The following FAM222A variants were observed in gnomAD, a reference collection of about 807,000 sequenced individuals.
FAM222A encodes the protein protein FAM222A.
A neutral mutation model predicts 25.8 loss-of-function variants in FAM222A; 7 were observed. The ratio of observed to expected loss-of-function variants is 0.27; its 90% CI spans 0.15 to 0.51. The LOEUF (loss-of-function observed/expected upper bound fraction) is 0.51, where lower values mean the gene tolerates loss of function less well. Ranked by LOEUF, FAM222A falls within the 20% of genes least tolerant of loss-of-function variation. The probability of loss-of-function intolerance (pLI) is 0.97; values close to 1 mark genes in which losing one functional copy is unlikely to be tolerated. For synonymous variants in FAM222A, 294 were observed against 298.8 expected (o/e 0.98, Z 0.17); for missense variants, 573 against 640.5 (o/e 0.89, Z 1.14).
chr12:109,726,413 A>C (rs1482197165), intron 1 of FAM222A, among the ~76,000 whole-genome samples: 1 of 152,220 alleles, frequency 6.6e-6, no homozygotes, highest in African/African-American at 2.4e-5. Context: ...CCCTCTTAGC[A>C]GAGTGTGAGG....
intron 2 of FAM222A, among the ~76,000 whole-genome samples, chr12:109,750,043 C>T (rs1299778997): frequency 1.3e-5 from 2 of 152,246 alleles, no homozygotes; most frequent in South Asian, 2.1e-4. Flanking sequence ...AGCCCATTTA[C>T]ATTTATTGAT....
chr12:109,769,044 TG>T lies in FAM222A; in HGVS notation c.1119del (p.Pro374ArgfsTer29). 1 of 1,587,378 alleles carries T rather than the reference TG, an allele frequency of 6.3e-7. No homozygotes were observed. Among genetic ancestry groups the T allele is most frequent in the Admixed American group, 1.8e-5 (1 of 56,470 alleles). ...NPAAAVVVTELGPGAARELAG... is the reference protein window; with the variant it reads ...NPAAAVVVTEXGPGAARELAG... The stretch of plus-strand genomic sequence containing the variant: ...GCGGCGGCGGTGGTGGTCACGGAGC[TG>T]GGGCCGGGGGCAGCCCGGGAGCTGG... On this transcript the variant is annotated frameshift_variant, in exon 3 of 3. Transcript: ENST00000538780. LOFTEE classifies it high-confidence loss of function.
chr12:109,744,500 A>G (rs1035702679), intron 2 of FAM222A: 1 of 984,232 alleles, frequency 1.0e-6, no homozygotes. Flanking sequence ...CCATGCCCCA[A>G]CCCCGCCTCT....
chr12:109,758,640 G>C (rs542829170), intron 2 of FAM222A, among the ~76,000 whole-genome samples: 2 of 151,488 alleles, frequency 1.3e-5, no homozygotes, highest in Admixed American at 1.4e-4. Flanking sequence ...CCCAGCCGCC[G>C]TCCCTGCCCC....
chr12:109,729,006 C>G (rs1233626511), intron 1 of FAM222A, among the ~76,000 whole-genome samples: 1 of 150,892 alleles, frequency 6.6e-6, no homozygotes, highest in East Asian at 1.9e-4. Context: ...CAGCCAGGTA[C>G]TGACAGGTCA....
chr12:109,736,321 G>A (rs1156595963), intron 1 of FAM222A, among the ~76,000 whole-genome samples: 1 of 152,156 alleles, frequency 6.6e-6, no homozygotes, highest in Non-Finnish European at 1.5e-5. Context: ...CATAAACAAT[G>A]CTAACAACGG....
At chr12:109,736,590 C>T (rs950912744) in intron 1 of FAM222A, among the ~76,000 whole-genome samples, 6 of 152,204 alleles carry the variant, frequency 3.9e-5, no homozygotes, top group Admixed American at 2.6e-4. Context: ...CCGCTTGTCT[C>T]CCTGCCTTGT....
intron 1 of FAM222A, among the ~76,000 whole-genome samples, chr12:109,719,295 C>T (rs563823587): frequency 6.6e-5 from 10 of 152,172 alleles, no homozygotes; most frequent in African/African-American, 2.4e-4. Context: ...TACTTTGCTG[C>T]CCGAGGTCAC....
chr12:109,738,811 T>A lies in FAM222A; in HGVS notation c.-46-5290T>A, dbSNP rs1888154745. ...AACCAAATGATCACATCCTCTTATG[T>A]CCAAGTTAGATGGCCCTCATACTAT... is the stretch of plus-strand genomic sequence containing the variant. On this transcript the variant is annotated intron_variant, in intron 1 of 2. Coordinates refer to ENST00000538780, the MANE Select transcript of FAM222A (RefSeq NM_032829.3). 2.6e-5 allele frequency among the ~76,000 whole-genome samples: 4 copies of A among 152,188 alleles called. No individual in the cohort carries two copies. The South Asian group carries it at 8.3e-4, about 32-fold the overall frequency.
chr12:109,732,753 CAT>C (rs1163326167), intron 1 of FAM222A, among the ~76,000 whole-genome samples: 1 of 152,176 alleles, frequency 6.6e-6, no homozygotes, highest in East Asian at 1.9e-4. Flanking sequence ...CACACACACA[CAT>C]ACATTCCACT....
rs1410740242 is a variant in FAM222A at position 109,748,330 on chromosome 12, C to CTTTTTTTTT, written c.82+4105_82+4106insTTTTTTTTT. On this transcript the variant is annotated intron_variant, in intron 2 of 2. Coordinates refer to ENST00000538780, the MANE Select transcript of FAM222A (RefSeq NM_032829.3). ...GTCAAAGAGATTGTTCTTTGGTTTT[C>CTTTTTTTTT]TTTCTTTTTTTTTTTTTTTTTTTTG... Among the ~76,000 whole-genome samples, 5 of 40,442 alleles carry CTTTTTTTTT rather than the reference C, an allele frequency of 1.2e-4. 1 individual carries two copies. Among genetic ancestry groups the CTTTTTTTTT allele is most frequent in the African/African-American group, 1.7e-4 (2 of 11,726 alleles). The allele number at this position is 40,442 out of a possible 152,430, so 26.5% of individuals were successfully genotyped here.
intron 2 of FAM222A, among the ~76,000 whole-genome samples, chr12:109,758,877 G>A (rs910125856): frequency 6.6e-6 from 1 of 152,176 alleles, no homozygotes; most frequent in African/African-American, 2.4e-5. Flanking sequence ...TTTCAACACA[G>A]GTAATACCCT....
chr12:109,725,046 C>G (rs557180823), intron 1 of FAM222A, among the ~76,000 whole-genome samples: 3 of 152,112 alleles, frequency 2.0e-5, no homozygotes, highest in Non-Finnish European at 4.4e-5. Context: ...TTGAGGGACT[C>G]TCCCAAGGCC....
In FAM222A at chr12:109,732,648, C is replaced by T. The variant is rs189705219; in HGVS notation, c.-46-11453C>T. On this transcript the variant is annotated intron_variant, in intron 1 of 2. Transcript: ENST00000538780. ...GCGCTGGGCTGATTTTGAAAGGACG[C>T]CCATCCTCTGGGCCCACTTTTCAGA... Among the ~76,000 whole-genome samples, 87 of 152,352 alleles carry T rather than the reference C, an allele frequency of 5.7e-4. 2 individuals carry two copies. The East Asian group carries it at 0.015, about 27-fold the overall frequency.
intron 1 of FAM222A, among the ~76,000 whole-genome samples, chr12:109,725,778 C>T (rs539619314): frequency 2.2e-4 from 34 of 151,868 alleles, no homozygotes; most frequent in Admixed American, 1.6e-3. Flanking sequence ...CAATCAGGCC[C>T]GGAAAAAAGC....
intron 1 of FAM222A, chr12:109,720,202 C>T: frequency 1.0e-6 from 1 of 985,312 alleles, no homozygotes; most frequent in Non-Finnish European, 1.2e-6. Flanking sequence ...CTGGGGGCCC[C>T]TGCTATTGTG....
chr12:109,723,565 C>T (rs565913911), intron 1 of FAM222A, among the ~76,000 whole-genome samples: 1 of 151,244 alleles, frequency 6.6e-6, no homozygotes, highest in South Asian at 2.1e-4. Context: ...CATCATTAGA[C>T]CCGCAGTCAG....
chr12:109,754,714 C>CTGG (rs1555201793), intron 2 of FAM222A, among the ~76,000 whole-genome samples: 4 of 151,148 alleles, frequency 2.6e-5, no homozygotes, highest in African/African-American at 9.7e-5. Flanking sequence ...GTTACCCTGA[C>CTGG]TGGTGGGCAG....
At chr12:109,743,301 A>G (rs1888295598) in intron 1 of FAM222A, among the ~76,000 whole-genome samples, 1 of 152,122 alleles carries the variant, frequency 6.6e-6, no homozygotes, top group African/African-American at 2.4e-5. Context: ...TCTCTGCAGG[A>G]GAGTGGGTTT....
Sources: gnomAD v4.1 joint callset for allele counts (sites outside exome capture counted in the v4.1 genomes callset) on GRCh38, gnomAD v4.1.1 for gene constraint, MANE v1.5 for transcripts, NCBI Gene and HGNC (gene_info 2026-07-23, HGNC 2026-07-21) for gene names.